MYO16: variants seen among roughly 807,000 people sequenced by gnomAD.
The protein encoded by MYO16 is myosin XVI, also known as unconventional myosin-XVI.
In MYO16, 94 loss-of-function variants were observed where a neutral mutation model predicts 205.3. That is an observed-to-expected ratio of 0.46 (90% confidence interval 0.39 to 0.54). The LOEUF (loss-of-function observed/expected upper bound fraction) is 0.54. Ranked by LOEUF, MYO16 falls within the 20% of genes least tolerant of loss-of-function variation. The pLI, the probability that MYO16 is intolerant of heterozygous loss-of-function variation, is 0.00. For missense variants in MYO16, 2,315 were observed against 2,387.5 expected, an observed-to-expected ratio of 0.97 and a Z score of 0.63; for synonymous variants, 988 against 954.0, an observed-to-expected ratio of 1.04 and a Z score of -0.66.
At chr13:109,148,336 A>G (rs1219487083) in intron 32 of MYO16, among the ~76,000 whole-genome samples, 1 of 152,136 alleles carries the variant, frequency 6.6e-6, no homozygotes, top group Non-Finnish European at 1.5e-5. Flanking sequence ...AATGCCCAAT[A>G]ATTCATACAG....
chr13:108,558,688 C>T, the MYO16 span, among the ~76,000 whole-genome samples: 1 of 152,150 alleles, frequency 6.6e-6, no homozygotes, highest in Admixed American at 6.5e-5. Context: ...AGCTGTCTGC[C>T]CTTGCTCCTG....
At chr13:108,989,882 C>A (rs939601504) in intron 20 of MYO16, among the ~76,000 whole-genome samples, 1 of 151,932 alleles carries the variant, frequency 6.6e-6, no homozygotes, top group Admixed American at 6.6e-5. Context: ...AAAGAGGCAA[C>A]TTTTTGGAAA....
chr13:108,522,060 G>A, the MYO16 span, among the ~76,000 whole-genome samples: 4 of 152,092 alleles, frequency 2.6e-5, no homozygotes, highest in African/African-American at 7.2e-5. Context: ...TCTTCCAAAT[G>A]TGAAAACAAA....
chr13:109,048,153 ATGTGTGTGTGTGTGTGTGTGTGTG>A lies in MYO16; in HGVS notation c.2872+1188_2872+1211del, dbSNP rs34750704. ...CTTTTGTATTTCATGTTAATAGGATATGTGTGTGTGTGTGTGTGTGTGTGTGTGTGTGTGTGTGTGTGTGTGTGT... is the reference window on the plus strand; with the variant it reads ...CTTTTGTATTTCATGTTAATAGGATATGTGTGTGTGTGTGTGTGTGTGTGT... On this transcript the variant is annotated intron_variant, in intron 24 of 34. Coordinates refer to ENST00000457511, the MANE Select transcript of MYO16 (RefSeq NM_001198950.3). Among the ~76,000 whole-genome samples, 404 of 141,180 alleles carry A rather than the reference ATGTGTGTGTGTGTGTGTGTGTGTG, an allele frequency of 2.9e-3. 4 individuals carry two copies. Among genetic ancestry groups the A allele is most frequent in the African/African-American group, 9.7e-3 (367 of 37,936 alleles). 92.6% of individuals were successfully genotyped at this position (141,180 alleles called of 152,430 possible).
chr13:109,098,693 G>A (rs1040862148), intron 27 of MYO16, among the ~76,000 whole-genome samples: 2 of 152,160 alleles, frequency 1.3e-5, no homozygotes, highest in African/African-American at 4.8e-5. Context: ...CAGACCAGCA[G>A]CAGATCATCA....
intron 15 of MYO16, among the ~76,000 whole-genome samples, chr13:108,903,579 T>C (rs1880818572): frequency 6.6e-6 from 1 of 152,212 alleles, no homozygotes; most frequent in African/African-American, 2.4e-5. Flanking sequence ...ATCTATTGTA[T>C]GAATTTTTAC....
At chr13:108,743,679 C>T (rs899133636) in intron 4 of MYO16, among the ~76,000 whole-genome samples, 1 of 152,176 alleles carries the variant, frequency 6.6e-6, no homozygotes, top group Non-Finnish European at 1.5e-5. Context: ...TTTGCCTGTA[C>T]GGTGGAGTGT....
At chr13:108,743,827 A>G (rs144702297) in intron 4 of MYO16, among the ~76,000 whole-genome samples, 96 of 152,348 alleles carry the variant, frequency 6.3e-4, no homozygotes, top group African/African-American at 2.2e-3. Flanking sequence ...AGCGGCTTAC[A>G]TTGATAGATC....
chr13:108,669,785 A>C (rs1203727956), intron 2 of MYO16, among the ~76,000 whole-genome samples: 2 of 152,200 alleles, frequency 1.3e-5, no homozygotes, highest in African/African-American at 4.8e-5. Context: ...GACATGGATA[A>C]AGCTGGAAAC....
intron 6 of MYO16, among the ~76,000 whole-genome samples, chr13:108,795,075 G>T (rs759295576): frequency 1.3e-5 from 2 of 151,892 alleles, no homozygotes; most frequent in African/African-American, 4.8e-5. Flanking sequence ...TTAGAGTTAC[G>T]TTGTTATAGT....
intron 16 of MYO16, among the ~76,000 whole-genome samples, chr13:108,924,346 G>A (rs1056865980): frequency 6.6e-6 from 1 of 152,144 alleles, no homozygotes; most frequent in Non-Finnish European, 1.5e-5. Context: ...TCTGAGTCAC[G>A]GGAAAGTCAT....
At chr13:108,777,960 C>T (rs917984620) in intron 4 of MYO16, among the ~76,000 whole-genome samples, 3 of 152,156 alleles carry the variant, frequency 2.0e-5, no homozygotes, top group East Asian at 1.9e-4. Flanking sequence ...CCTTTTTACT[C>T]GTTAATTATT....
At chr13:109,057,282 T>C (rs2139616639) in intron 27 of MYO16, among the ~76,000 whole-genome samples, 1 of 151,962 alleles carries the variant, frequency 6.6e-6, no homozygotes, top group South Asian at 2.1e-4. Context: ...TTTAAAGGGG[T>C]AGTAGAATAT....
At chr13:108,599,354 C>G (rs75348855) in intron 1 of MYO16, among the ~76,000 whole-genome samples, 37,012 of 143,184 alleles carry the variant, frequency 0.26, 4,903 homozygotes, top group Middle Eastern at 0.33. Context: ...TGGGTATATA[C>G]CCAGTAATGG....
At chr13:108,986,390 A>T (rs548936690) in intron 20 of MYO16, among the ~76,000 whole-genome samples, 3 of 152,140 alleles carry the variant, frequency 2.0e-5, no homozygotes, top group Non-Finnish European at 4.4e-5. Context: ...AGGGAGGCTG[A>T]GGTGGATGGA....
At chr13:108,689,151 T>C (rs1882797132) in intron 2 of MYO16, among the ~76,000 whole-genome samples, 1 of 146,820 alleles carries the variant, frequency 6.8e-6, no homozygotes, top group Non-Finnish European at 1.5e-5. Flanking sequence ...ACATACATTG[T>C]TGATATGACA....
At chr13:108,602,229 G>A (rs1878792005) in intron 1 of MYO16, among the ~76,000 whole-genome samples, 1 of 151,806 alleles carries the variant, frequency 6.6e-6, no homozygotes, top group Admixed American at 6.6e-5. Context: ...TTTAAGCCAT[G>A]TGGCCTCAGG....
intron 23 of MYO16, among the ~76,000 whole-genome samples, chr13:109,028,817 T>A (rs571811907): frequency 6.6e-6 from 1 of 151,844 alleles, no homozygotes; most frequent in Non-Finnish European, 1.5e-5. Context: ...TCCACAGACC[T>A]TTACGGGAAT....
At chr13:108,963,452 C>T (rs1474491117) in intron 19 of MYO16, among the ~76,000 whole-genome samples, 2 of 152,212 alleles carry the variant, frequency 1.3e-5, no homozygotes, top group Non-Finnish European at 2.9e-5. Context: ...ATCTCCCATT[C>T]CTACTGCCTT....
Sources: allele counts gnomAD v4.1 joint callset (sites outside exome capture counted in the v4.1 genomes callset), GRCh38; gene constraint gnomAD v4.1.1; transcripts MANE v1.5; gene names NCBI Gene and HGNC (gene_info 2026-07-23, HGNC 2026-07-21).